Variants in KALRN observed in about 807,000 individuals in gnomAD.
The protein encoded by KALRN is kalirin RhoGEF kinase.
Under a neutral mutation model 353.7 loss-of-function variants are expected in KALRN, and 70 were observed. That is an observed-to-expected ratio of 0.20 (90% confidence interval 0.16 to 0.24). The LOEUF is 0.24. KALRN is among the 10% of genes least tolerant of loss of function. The probability of loss-of-function intolerance (pLI) is 1.00; values close to 1 mark genes in which losing one functional copy is unlikely to be tolerated. For missense variants in KALRN, 2,791 were observed against 3,756.7 expected (o/e 0.74, Z 6.72); for synonymous variants, 1,391 against 1,434.8 (o/e 0.97, Z 0.69).
chr3:124,251,679 AG>A (rs1560363298), intron 3 of KALRN, among the ~76,000 whole-genome samples: 6 of 152,062 alleles, frequency 3.9e-5, no homozygotes, highest in Admixed American at 6.6e-5. Context: ...TCTTTTTGAG[AG>A]GACTTGATTT....
intron 34 of KALRN, among the ~76,000 whole-genome samples, chr3:124,621,762 A>G (rs1304926606): frequency 1.3e-5 from 2 of 152,262 alleles, no homozygotes; most frequent in Admixed American, 1.3e-4. Context: ...ACCTGGCCGT[A>G]CATAGCCTCA....
intron 1 of KALRN, among the ~76,000 whole-genome samples, chr3:124,157,652 A>AG (rs905051000): frequency 1.3e-5 from 2 of 152,174 alleles, no homozygotes; most frequent in African/African-American, 2.4e-5. Flanking sequence ...TTCCGAAATA[A>AG]GGGGGGTAGA....
intron 3 of KALRN, among the ~76,000 whole-genome samples, chr3:124,253,545 G>A (rs1359837809): frequency 2.6e-5 from 4 of 152,148 alleles, no homozygotes; most frequent in African/African-American, 9.7e-5. Flanking sequence ...CAGCCCTGTA[G>A]GACCAAAGCT....
chr3:124,618,990 T>C (rs958816969), intron 34 of KALRN, among the ~76,000 whole-genome samples: 1 of 152,200 alleles, frequency 6.6e-6, no homozygotes, highest in African/African-American at 2.4e-5. Context: ...ATATCTTAGG[T>C]ATATGACATG....
intron 38 of KALRN, among the ~76,000 whole-genome samples, chr3:124,651,420 A>C (rs544389435): frequency 1.1e-4 from 16 of 152,334 alleles, no homozygotes; most frequent in African/African-American, 3.8e-4. Context: ...TTAATTTTGC[A>C]TCTGTTTCTG....
At chr3:124,700,577 A>G (rs929414613) in intron 56 of KALRN, among the ~76,000 whole-genome samples, 1 of 152,258 alleles carries the variant, frequency 6.6e-6, no homozygotes, top group Admixed American at 6.5e-5. Context: ...CTAGCTAAAT[A>G]TGAGTATTTT....
intron 33 of KALRN, among the ~76,000 whole-genome samples, chr3:124,503,145 A>T (rs531763246): frequency 9.9e-4 from 151 of 152,344 alleles, no homozygotes; most frequent in African/African-American, 3.5e-3. Flanking sequence ...ATTTCTTATT[A>T]GGGAGAGATT....
intron 45 of KALRN, among the ~76,000 whole-genome samples, chr3:124,662,231 T>C (rs2084985410): frequency 6.9e-6 from 1 of 145,726 alleles, no homozygotes; most frequent in Non-Finnish European, 1.5e-5. Context: ...AGACAGGTTC[T>C]TGCCCTGTCA....
At chr3:124,306,106 G>T (rs954958752) in intron 6 of KALRN, among the ~76,000 whole-genome samples, 6 of 151,984 alleles carry the variant, frequency 3.9e-5, no homozygotes, top group Non-Finnish European at 7.4e-5. Context: ...ATAGGGTCTT[G>T]CTCTATCACC....
intron 34 of KALRN, among the ~76,000 whole-genome samples, chr3:124,604,230 CA>C (rs1366356747): frequency 6.6e-6 from 1 of 152,044 alleles, no homozygotes; most frequent in Non-Finnish European, 1.5e-5. Flanking sequence ...ATACATGTGC[CA>C]TGCTGATGCG....
At chr3:124,409,530 A>G (rs949443097) in intron 13 of KALRN, among the ~76,000 whole-genome samples, 8 of 152,172 alleles carry the variant, frequency 5.3e-5, no homozygotes, top group Admixed American at 4.6e-4. Flanking sequence ...AGGAAGGACA[A>G]GGGCGTTTCA....
chr3:124,386,813 C>T (rs2088409703), intron 11 of KALRN, among the ~76,000 whole-genome samples: 1 of 152,176 alleles, frequency 6.6e-6, no homozygotes, highest in South Asian at 2.1e-4. Context: ...AAATATATTA[C>T]ATGAGTTTTT....
chr3:124,447,906 A>T (rs765616775), intron 21 of KALRN, among the ~76,000 whole-genome samples: 1 of 152,222 alleles, frequency 6.6e-6, no homozygotes, highest in Non-Finnish European at 1.5e-5. Flanking sequence ...TAAGAGACTC[A>T]TTTCAATACC....
intron 51 of KALRN, among the ~76,000 whole-genome samples, chr3:124,692,639 A>G (rs768726838): frequency 6.6e-6 from 1 of 152,252 alleles, no homozygotes; most frequent in Non-Finnish European, 1.5e-5. Context: ...GAAGATGATT[A>G]AAATGAGATC....
At chr3:124,530,998 GT>G (rs1398535177) in intron 33 of KALRN, among the ~76,000 whole-genome samples, 2 of 152,204 alleles carry the variant, frequency 1.3e-5, no homozygotes, top group Non-Finnish European at 2.9e-5. Context: ...TTGTAATGTA[GT>G]TTTATCCATA....
intron 5 of KALRN, among the ~76,000 whole-genome samples, chr3:124,282,381 T>TTTC (rs1478010944): frequency 1.8e-4 from 27 of 148,132 alleles, no homozygotes; most frequent in Admixed American, 1.3e-3. Context: ...ACATTTTTCT[T>TTTC]TTTTTTTTTT....
chr3:124,429,607 A>G (rs2093181905), intron 15 of KALRN, among the ~76,000 whole-genome samples: 1 of 152,220 alleles, frequency 6.6e-6, no homozygotes, highest in East Asian at 1.9e-4. Context: ...TAACTCTTCC[A>G]GTTGCATTAT....
chr3:124,076,042 G>A (rs1362185438), intron 1 of KALRN, among the ~76,000 whole-genome samples: 2 of 152,186 alleles, frequency 1.3e-5, no homozygotes, highest in African/African-American at 2.4e-5. Flanking sequence ...CTGGCCTGAC[G>A]TGCTTCCTGC....
At chr3:124,416,192 C>A (rs1296227226) in intron 14 of KALRN, among the ~76,000 whole-genome samples, 1 of 152,178 alleles carries the variant, frequency 6.6e-6, no homozygotes, top group Non-Finnish European at 1.5e-5. Flanking sequence ...GAAAAGGAGG[C>A]TTGTCTGCCT....
Sources: gnomAD v4.1 joint callset for allele counts (sites outside exome capture counted in the v4.1 genomes callset) on GRCh38, gnomAD v4.1.1 for gene constraint, MANE v1.5 for transcripts, NCBI Gene and HGNC (gene_info 2026-07-23, HGNC 2026-07-21) for gene names.